DNAAF1: variants seen among roughly 807,000 people sequenced by gnomAD.
DNAAF1 encodes the protein dynein assembly factor 1, axonemal.
A neutral mutation model predicts 71.1 loss-of-function variants in DNAAF1; 65 were observed. That is an observed-to-expected ratio of 0.91 (90% confidence interval 0.75 to 1.12). The LOEUF (loss-of-function observed/expected upper bound fraction) is 1.12, where lower values mean the gene tolerates loss of function less well. DNAAF1 is among the 50% of genes most tolerant of loss of function. The pLI, the probability that DNAAF1 is intolerant of heterozygous loss-of-function variation, is 0.00. For missense variants in DNAAF1, 1,178 were observed against 899.8 expected (o/e 1.31, Z -3.96); for synonymous variants, 414 against 354.6 (o/e 1.17, Z -1.88).
intron 6 of DNAAF1, among the ~76,000 whole-genome samples, chr16:84,162,455 T>C (rs532340365): frequency 2.0e-5 from 3 of 151,906 alleles, no homozygotes; most frequent in Non-Finnish European, 4.4e-5. Flanking sequence ...TACAATGCAA[T>C]GGCTTTGAGT....
At chr16:84,150,137 G>T in intron 2 of DNAAF1, 114 bp from the exon 3 acceptor site, 1 of 751,954 alleles carries the variant, frequency 1.3e-6, no homozygotes, top group Non-Finnish European at 2.4e-6. Context: ...AGGTATCAGG[G>T]ATATAGGATG....
At chr16:84,159,978 T>C (rs1361038217) in intron 6 of DNAAF1, among the ~76,000 whole-genome samples, 182 bp downstream of exon 6, 5 of 152,246 alleles carry the variant, frequency 3.3e-5, no homozygotes, top group African/African-American at 4.8e-5. Context: ...CATAGATTTT[T>C]TTATATTCCT....
intron 11 of DNAAF1, chr16:84,177,517 T>TG: frequency 2.0e-6 from 1 of 509,286 alleles, no homozygotes; most frequent in Non-Finnish European, 3.7e-6. Context: ...TTAGTAGAGA[T>TG]GGGGTTTCAC....
intron 6 of DNAAF1, among the ~76,000 whole-genome samples, chr16:84,164,919 T>C (rs868436974): frequency 4.6e-5 from 7 of 152,184 alleles, no homozygotes; most frequent in African/African-American, 1.7e-4. Context: ...CACATCCTCA[T>C]TAGCGCAGCG....
chr16:84,159,591 C>T, intron 5 of DNAAF1, 84 bp from the exon 6 acceptor site: 4 of 1,520,696 alleles, frequency 2.6e-6, no homozygotes, highest in Non-Finnish European at 2.7e-6. Flanking sequence ...AGATTTTGTT[C>T]ATTTATTCTT....
Position 84,176,273 on chromosome 16 carries a change from G to A in DNAAF1, c.2039G>A (p.Ser680Asn). 1 of 1,613,580 alleles carries A rather than the reference G, an allele frequency of 6.2e-7. No individual in the cohort carries two copies. The highest frequency in any genetic ancestry group is 2.2e-5 in the East Asian group (1 of 44,888). Residue 680 changes from serine (S) to asparagine (N), a missense_variant, in exon 11 of 12, where the codon AGC becomes AAC. Transcript: ENST00000378553. ...APLTSSGDRD[S>N]DFLAASSPVP... ...CTCACTTCCAGTGGAGACAGGGACAGCGACTTCCTTGCAGCCTCTTCTCCG... is the reference window on the plus strand; with the variant it reads ...CTCACTTCCAGTGGAGACAGGGACAACGACTTCCTTGCAGCCTCTTCTCCG...
rs1014046229 is a variant in DNAAF1, at chr16:84,177,570, C to G, written c.2066-159C>G. The stretch of plus-strand genomic sequence containing the variant: ...TCTCGAACTCCTGACCTCAGGTGAT[C>G]TGTTTGCCTCGGCCTCCCAAAGTGC... On this transcript the variant is annotated intron_variant, in intron 11 of 11. Transcript: ENST00000378553. 8.9e-6 allele frequency: 6 copies of G among 671,598 alleles called. No individual in the cohort carries two copies. In the African/African-American group the frequency reaches 1.1e-4, roughly 12 times the overall value. The allele number at this position is 671,598 out of a possible 1,614,324, so 41.6% of individuals were successfully genotyped here. A position where few individuals can be genotyped will look rare whatever the true frequency, so the allele number is the denominator to read the frequency against.
In DNAAF1 at chr16:84,176,182, C is replaced by T; in HGVS notation, c.1948C>T (p.Leu650Phe). 1 of 1,614,050 alleles carries T rather than the reference C, an allele frequency of 6.2e-7. No individual in the cohort carries two copies. The highest frequency in any genetic ancestry group is 1.1e-5 in the South Asian group (1 of 91,082). Reference sequence around the variant, plus strand: ...GTCCCCAAGACCCCTGATCCAGGAGCTCAGCGACGAGGACCCCTCTGGCCA... The same window carrying T: ...GTCCCCAAGACCCCTGATCCAGGAGTTCAGCGACGAGGACCCCTCTGGCCA... ...TKSPRPLIQE[L>F]SDEDPSGQLL... Residue 650 changes from leucine (L) to phenylalanine (F), a missense_variant, in exon 11 of 12, where the codon CTC becomes TTC. By Grantham distance (22) the Leu-to-Phe change is conservative. Coordinates refer to ENST00000378553, the MANE Select transcript of DNAAF1 (RefSeq NM_178452.6).
intron 7 of DNAAF1, among the ~76,000 whole-genome samples, chr16:84,167,025 A>T (rs1408689719): frequency 2.0e-5 from 3 of 152,134 alleles, no homozygotes; most frequent in Non-Finnish European, 2.9e-5. Context: ...TGGTCTCGCA[A>T]GATGACTCTC....
In DNAAF1 at chr16:84,177,742, C is replaced by T. The variant is rs145469545; in HGVS notation, c.2079C>T (p.Ser693=). Residue 693 remains serine, a synonymous_variant, in exon 12 of 12, where the codon AGC becomes AGT. Transcript: ENST00000378553. ...TTCCTTCCACAGTGCCGACTGAGAG[C>T]GCCGCCACACCCCCAGAGACGTGTG... is the stretch of plus-strand genomic sequence containing the variant. ...LAASSPVPTE[S]AATPPETCVG... 1.2e-4 allele frequency: 189 copies of T among 1,613,708 alleles called. No homozygotes were observed. The highest frequency in any genetic ancestry group is 3.3e-4 in the Middle Eastern group (2 of 6,082).
At chr16:84,152,755 A>T (rs1893677124) in intron 3 of DNAAF1, among the ~76,000 whole-genome samples, 1 of 152,016 alleles carries the variant, frequency 6.6e-6, no homozygotes, top group Non-Finnish European at 1.5e-5. Flanking sequence ...GGAGTTCGAG[A>T]CCAACCTGGC....
intron 9 of DNAAF1, 56 bp from the exon 10 acceptor site, chr16:84,174,613 G>C: frequency 3.1e-6 from 5 of 1,613,862 alleles, no homozygotes; most frequent in South Asian, 2.2e-5. Context: ...GTGCCTATCA[G>C]AACGTTGACA....
intron 7 of DNAAF1, among the ~76,000 whole-genome samples, chr16:84,168,896 C>T (rs75289773): frequency 0.078 from 11,712 of 149,860 alleles, 927 homozygotes; most frequent in African/African-American, 0.21. Context: ...TAAAGGCAAA[C>T]GTCACAGCCC....
rs2086848048 is a variant in DNAAF1, at chr16:84,145,338, G to A, written c.-103G>A. On this transcript the variant is annotated 5_prime_UTR_variant, in exon 1 of 12. Coordinates refer to ENST00000378553, the MANE Select transcript of DNAAF1 (RefSeq NM_178452.6). ...GACTAGGGCGCCAGCGGCTGGCGAA[G>A]AAGGAAAGAGGGTACTCTCTGGCTG... is the stretch of plus-strand genomic sequence containing the variant. 6.6e-7 allele frequency: 1 copy of A among 1,524,426 alleles called. No individual in the cohort carries two copies. 94.4% of individuals were successfully genotyped at this position (1,524,426 alleles called of 1,614,324 possible).
At chr16:84,162,833 A>C (rs1165979597) in intron 6 of DNAAF1, among the ~76,000 whole-genome samples, 4 of 151,964 alleles carry the variant, frequency 2.6e-5, no homozygotes, top group Non-Finnish European at 2.9e-5. Flanking sequence ...ACAAAAAAAA[A>C]AGAAATACCA....
intron 7 of DNAAF1, among the ~76,000 whole-genome samples, chr16:84,168,762 A>G (rs979624167): frequency 1.3e-5 from 2 of 152,050 alleles, no homozygotes; most frequent in African/African-American, 4.8e-5. Flanking sequence ...TAAAACGGAT[A>G]GCTGTATGTC....
At chr16:84,176,936 C>G (rs1177029893) in intron 11 of DNAAF1, 1 of 167,064 alleles carries the variant, frequency 6.0e-6, no homozygotes, top group Non-Finnish European at 1.3e-5. Context: ...CTGGCAGATG[C>G]GGTTTTGGGG....
chr16:84,177,747 C>T lies in DNAAF1; in HGVS notation c.2084C>T (p.Ala695Val). ...TCCACAGTGCCGACTGAGAGCGCCGCCACACCCCCAGAGACGTGTGTCGGA... is the reference window on the plus strand; with the variant it reads ...TCCACAGTGCCGACTGAGAGCGCCGTCACACCCCCAGAGACGTGTGTCGGA... ...ASSPVPTESA[A>V]TPPETCVGVA... The change falls in exon 12 of 12, where the codon GCC becomes GTC. Residue 695 changes from alanine to valine, a missense_variant. Ala to Val is a moderately conservative substitution (Grantham distance 64, BLOSUM62 0). Coordinates refer to ENST00000378553, the MANE Select transcript of DNAAF1 (RefSeq NM_178452.6). 1 of 1,613,944 alleles carries T rather than the reference C, an allele frequency of 6.2e-7. No homozygotes were observed. Among genetic ancestry groups the T allele is most frequent in the Non-Finnish European group, 8.5e-7 (1 of 1,179,934 alleles).
chr16:84,155,426 A>G (rs2087379910), intron 4 of DNAAF1, among the ~76,000 whole-genome samples, 157 bp from the exon 5 acceptor site: 1 of 151,788 alleles, frequency 6.6e-6, no homozygotes, highest in East Asian at 1.9e-4. Context: ...ATGGGGTCTC[A>G]CTGTGTTGCC....
Sources: allele counts gnomAD v4.1 joint callset (sites outside exome capture counted in the v4.1 genomes callset), GRCh38; gene constraint gnomAD v4.1.1; transcripts MANE v1.5; gene names NCBI Gene and HGNC (gene_info 2026-07-23, HGNC 2026-07-21).